TRIM38: variants seen among roughly 807,000 people sequenced by gnomAD.
TRIM38 encodes the protein tripartite motif containing 38, also known as E3 ubiquitin-protein ligase TRIM38.
Under a neutral mutation model 35.8 loss-of-function variants are expected in TRIM38, and 35 were observed. The observed-to-expected ratio is 0.98, with a 90% CI of 0.75 to 1.30. The LOEUF is 1.30. TRIM38 is among the 50% of genes most tolerant of loss of function. TRIM38 has a pLI of 0.00. For missense variants in TRIM38, 545 were observed against 556.9 expected (o/e 0.98, Z 0.21); for synonymous variants, 198 against 204.7 (o/e 0.97, Z 0.28).
At position 25,966,938 on chromosome 6, in the gene TRIM38, G is replaced by A. The variant is rs748859234; in HGVS notation, c.411+5G>A. The A allele has an allele frequency of 1.9e-6, 3 of 1,595,468 alleles. No individual in the cohort carries two copies. Among genetic ancestry groups the A allele is most frequent in the Non-Finnish European group, 2.6e-6 (3 of 1,166,724 alleles). ...GACGTATGCCAGGGCTACAAGGTGA[G>A]TGTGTGGGCCCGGGAGCTTTGGTAA... is the stretch of plus-strand genomic sequence containing the variant. On this transcript the variant is annotated splice_donor_5th_base_variant and intron_variant, in intron 3 of 7. Transcript: ENST00000357085.
intron 7 of TRIM38, among the ~76,000 whole-genome samples, chr6:25,982,047 G>T (rs1213651326): frequency 6.6e-6 from 1 of 152,118 alleles, no homozygotes; most frequent in Non-Finnish European, 1.5e-5. Context: ...GGGGTCCAGG[G>T]TCCAAAACCC....
chr6:25,964,467 T>C (rs1363519702), intron 2 of TRIM38, among the ~76,000 whole-genome samples: 2 of 152,190 alleles, frequency 1.3e-5, no homozygotes, highest in Non-Finnish European at 1.5e-5. Context: ...TGGTTCTCTT[T>C]GGAAAATGAA....
chr6:25,982,761 A>T (rs1047592554), intron 7 of TRIM38, among the ~76,000 whole-genome samples: 27 of 152,220 alleles, frequency 1.8e-4, no homozygotes, highest in African/African-American at 5.1e-4. Flanking sequence ...AAGAAACAAT[A>T]GTTGGGTTTG....
rs7766342 is a variant in TRIM38 at position 25,990,446 on chromosome 6, C to A, written c.*6759C>A. On this transcript the variant is annotated 3_prime_UTR_variant, in exon 8 of 8. Transcript: ENST00000357085. ...ACCTCAGCCTCCAGAATGGCTGGGACTACAGGCACGCACCACCACACATGG... is the reference window on the plus strand; with the variant it reads ...ACCTCAGCCTCCAGAATGGCTGGGAATACAGGCACGCACCACCACACATGG... 0.4 allele frequency: 60,186 copies of A among 151,868 alleles called. 12,710 individuals carry two copies. Among genetic ancestry groups the A allele is most frequent in the East Asian group, 0.71 (3,661 of 5,150 alleles). 9.4% of individuals were successfully genotyped at this position (151,868 alleles called of 1,614,324 possible).
In TRIM38 at chr6:25,966,639, T is replaced by C; in HGVS notation, c.117T>C (p.Cys39=). ...GTGGACACAGCTACTGCCACTTGTG[T>C]ATAACAGACTTCTTTAAAAACCCAA... is the stretch of plus-strand genomic sequence containing the variant. ...INCGHSYCHL[C]ITDFFKNPSQ... The change falls in exon 3 of 8, where the codon TGT becomes TGC. Residue 39 remains cysteine (C), a synonymous_variant. Coordinates refer to ENST00000357085, the MANE Select transcript of TRIM38 (RefSeq NM_006355.5). 1.2e-6 allele frequency: 2 copies of C among 1,614,176 alleles called. No individual in the cohort carries two copies. The highest frequency in any genetic ancestry group is 1.7e-6 in the Non-Finnish European group (2 of 1,180,038).
chr6:25,963,992 G>T (rs1299591820), intron 2 of TRIM38, among the ~76,000 whole-genome samples: 1 of 149,594 alleles, frequency 6.7e-6, no homozygotes, highest in African/African-American at 2.5e-5. Context: ...TGTGGGGGAT[G>T]GGGGGGGTCG....
intron 7 of TRIM38, among the ~76,000 whole-genome samples, chr6:25,977,699 A>G (rs1760438114): frequency 6.7e-6 from 1 of 148,726 alleles, no homozygotes; most frequent in South Asian, 2.2e-4. Context: ...AAGGAGGAGG[A>G]GGAAGAGAAA....
intron 4 of TRIM38, among the ~76,000 whole-genome samples, chr6:25,970,512 TG>T (rs1380376450): frequency 6.6e-6 from 1 of 152,174 alleles, no homozygotes; most frequent in Non-Finnish European, 1.5e-5. Context: ...ACCTCTACCC[TG>T]ATCTTTGTTT....
rs746026364 is a variant in TRIM38 at position 25,971,852 on chromosome 6, T to C, written c.508-17T>C. ...TTGGTTTACTTCCACCTTTTGACCA[T>C]ACTTTCTTGACTCCAGGAGAAGGTA... On this transcript the variant is annotated splice_polypyrimidine_tract_variant and intron_variant, in intron 4 of 7. Transcript: ENST00000357085. 1.2e-5 allele frequency: 20 copies of C among 1,608,102 alleles called. No individual in the cohort carries two copies. The highest frequency in any genetic ancestry group is 2.7e-5 in the African/African-American group (2 of 74,740).
chr6:25,983,379 T>C lies in TRIM38; in HGVS notation c.1090T>C (p.Cys364Arg). 1 of 1,614,046 alleles carries C rather than the reference T, an allele frequency of 6.2e-7. No individual in the cohort carries two copies. Among genetic ancestry groups the C allele is most frequent in the Non-Finnish European group, 8.5e-7 (1 of 1,179,972 alleles). ...AGGAACCGGATGGGATTTAGGAGTT[T>C]GTATGGAAAATGTGCAGAGGGGCAC... ...GEGTGWDLGV[C>R]MENVQRGTGM... Residue 364 changes from cysteine (C) to arginine (R), a missense_variant, in exon 8 of 8, where the codon TGT (cysteine) becomes CGT (arginine). Physicochemically the swap from Cys to Arg is radical, Grantham distance 180. Coordinates refer to ENST00000357085, the MANE Select transcript of TRIM38 (RefSeq NM_006355.5).
chr6:25,981,391 C>T (rs1760539707), intron 7 of TRIM38, among the ~76,000 whole-genome samples: 1 of 152,228 alleles, frequency 6.6e-6, no homozygotes. Context: ...CAGAGAGCAT[C>T]CAGCACAGGA....
intron 7 of TRIM38, chr6:25,973,744 T>G (rs1760310075): frequency 1.0e-6 from 1 of 985,210 alleles, no homozygotes; most frequent in Non-Finnish European, 1.2e-6. Context: ...AGTAGGTGAG[T>G]ATGATAACCT....
chr6:25,980,175 C>T (rs60645096), intron 7 of TRIM38, among the ~76,000 whole-genome samples: 2,367 of 152,126 alleles, frequency 0.016, 93 homozygotes, highest in East Asian at 0.05. Flanking sequence ...TATGAGATTG[C>T]GCTTCTTAGA....
At chr6:25,979,586 A>T (rs1760488994) in intron 7 of TRIM38, among the ~76,000 whole-genome samples, 1 of 151,902 alleles carries the variant, frequency 6.6e-6, no homozygotes, top group Non-Finnish European at 1.5e-5. Flanking sequence ...TCTTACTTTG[A>T]TAAATCTCAT....
intron 6 of TRIM38, 47 bp downstream of exon 6, chr6:25,973,123 A>G: frequency 6.2e-7 from 1 of 1,614,116 alleles, no homozygotes; most frequent in South Asian, 1.1e-5. Flanking sequence ...CGTATATAGA[A>G]ATGAATGGAA....
chr6:25,970,821 G>A (rs1348100421), intron 4 of TRIM38, among the ~76,000 whole-genome samples: 2 of 152,116 alleles, frequency 1.3e-5, no homozygotes, highest in East Asian at 3.9e-4. Context: ...CAAGAACATA[G>A]ATTCAAATTG....
chr6:25,974,456 C>G (rs1266341224), intron 7 of TRIM38, among the ~76,000 whole-genome samples: 1 of 152,138 alleles, frequency 6.6e-6, no homozygotes, highest in Non-Finnish European at 1.5e-5. Flanking sequence ...AATTATATCC[C>G]ATCATCTTTG....
In TRIM38 at chr6:25,986,693, C is replaced by A. The variant is rs169222; in HGVS notation, c.*3006C>A. ...GACAGTGGCTGAAACAAGTTTATTT[C>A]TCTCCCATTTAAAGCAAGTCTAGAT... On this transcript the variant is annotated 3_prime_UTR_variant, in exon 8 of 8. Coordinates refer to ENST00000357085, the MANE Select transcript of TRIM38 (RefSeq NM_006355.5). The A allele has an allele frequency of 4.0e-5, 6 of 151,882 alleles. No homozygotes were observed. The highest frequency in any genetic ancestry group is 8.8e-5 in the Non-Finnish European group (6 of 67,978). The allele number at this position is 151,882 out of a possible 1,614,324, so 9.4% of individuals were successfully genotyped here. A position where few individuals can be genotyped will look rare whatever the true frequency, so the allele number is the denominator to read the frequency against.
intron 3 of TRIM38, 48 bp from the exon 4 acceptor site, chr6:25,969,277 A>G: frequency 1.4e-6 from 2 of 1,404,838 alleles, no homozygotes; most frequent in Non-Finnish European, 2.0e-6. Flanking sequence ...TAGGTCCCTA[A>G]TGAAGAGTCA....
Sources: gnomAD v4.1 joint callset for allele counts (sites outside exome capture counted in the v4.1 genomes callset) on GRCh38, gnomAD v4.1.1 for gene constraint, MANE v1.5 for transcripts, NCBI Gene and HGNC (gene_info 2026-07-23, HGNC 2026-07-21) for gene names.